The following A2M variants were observed in gnomAD, a reference collection of about 807,000 sequenced individuals.
A2M encodes the protein alpha-2-macroglobulin, also known as C3 and PZP-like alpha-2-macroglobulin domain-containing protein 5.
A neutral mutation model predicts 183.9 loss-of-function variants in A2M; 128 were observed. The observed-to-expected ratio is 0.70, with a 90% CI of 0.60 to 0.81. The LOEUF (loss-of-function observed/expected upper bound fraction) is 0.81. A2M is among the 30% of genes least tolerant of loss of function. A2M has a pLI of 0.00. For synonymous variants in A2M, 592 were observed against 670.8 expected (o/e 0.88, Z 1.81); for missense variants, 1,495 against 1,787.6 (o/e 0.84, Z 2.95).
At chr12:9,068,254 G>C in intron 34 of A2M, 30 bp from the exon 35 acceptor site, 2 of 1,596,392 alleles carry the variant, frequency 1.3e-6, no homozygotes, top group Non-Finnish European at 1.7e-6. Context: ...CAAAAAACCA[G>C]AAATCATTAC....
rs1948471095 is a variant in A2M, at chr12:9,068,746, C to G, written c.4360G>C (p.Glu1454Gln). The change falls in exon 34 of 36, where the codon GAG (glutamate) becomes CAG (glutamine). Residue 1454 changes from glutamate (E) to glutamine (Q), a missense_variant. By Grantham distance (29) the Glu-to-Gln change is conservative (BLOSUM62 2). Coordinates refer to ENST00000318602, the MANE Select transcript of A2M (RefSeq NM_000014.6). Reference protein sequence around the residue: ...PAIVKVYDYYETDEFAIAEYN... With the variant: ...PAIVKVYDYYQTDEFAIAEYN... ...GAAAATCACTCTCACTCACCCGTCT[C>G]GTAGTAATCATAGACTTTCACTATG... 1 of 1,599,148 alleles carries G rather than the reference C, an allele frequency of 6.3e-7. No individual in the cohort carries two copies. Among genetic ancestry groups the G allele is most frequent in the East Asian group, 2.2e-5 (1 of 44,686 alleles).
At chr12:9,098,855 A>G (rs1949468232) in intron 14 of A2M, 99 bp from the exon 15 acceptor site, 2 of 1,327,344 alleles carry the variant, frequency 1.5e-6, no homozygotes. Flanking sequence ...ATGTATAACC[A>G]CTCTGCTTGA....
In A2M at chr12:9,113,105, C is replaced by CTT. The variant is rs11463805; in HGVS notation, c.270+253_270+254dup. ...TCTTAATTTTAAGAAGTCACATTTT[C>CTT]TTTTTTTTTTTTTCCTTTCTGGCTA... is the stretch of plus-strand genomic sequence containing the variant. On this transcript the variant is annotated intron_variant, in intron 2 of 35. Transcript: ENST00000318602. 9.7e-4 allele frequency among the ~76,000 whole-genome samples: 140 copies of CTT among 143,906 alleles called. 1 individual carries two copies. The East Asian group carries it at 0.011, about 11-fold the overall frequency. The allele number at this position is 143,906 out of a possible 152,430, so 94.4% of individuals were successfully genotyped here. A position where few individuals can be genotyped will look rare whatever the true frequency, so the allele number is the denominator to read the frequency against.
At chr12:9,102,436 G>A (rs966712146) in intron 11 of A2M, among the ~76,000 whole-genome samples, 3 of 151,962 alleles carry the variant, frequency 2.0e-5, no homozygotes, top group South Asian at 2.1e-4. Flanking sequence ...GGCTCGTCTC[G>A]ATCTCCTGGC....
At chr12:9,091,088 A>G in intron 19 of A2M, 113 bp downstream of exon 19, 1 of 1,290,084 alleles carries the variant, frequency 7.8e-7, no homozygotes, top group Non-Finnish European at 1.1e-6. Flanking sequence ...TTTTACAATC[A>G]TGAATATCTA....
At chr12:9,110,634 C>T (rs1012268165) in intron 4 of A2M, among the ~76,000 whole-genome samples, 9 of 151,452 alleles carry the variant, frequency 5.9e-5, no homozygotes, top group African/African-American at 1.2e-4. Flanking sequence ...TAATCATTAT[C>T]ATGCACTGCA....
In A2M at chr12:9,106,343, C is replaced by A. The variant is rs1369798435; in HGVS notation, c.997G>T (p.Val333Leu). ...CTGGACTGCCTTCCAGTCAATTCCA[C>A]CACTGAAAAAAGAGAAAAAAATCTG... ...EAQIQEEGTV[V>L]ELTGRQSSEI... Residue 333 changes from valine (V) to leucine (L), a missense_variant and splice_region_variant, in exon 10 of 36, where the codon GTG becomes TTG. Physicochemically the swap from Val to Leu is conservative, Grantham distance 32. Coordinates refer to ENST00000318602, the MANE Select transcript of A2M (RefSeq NM_000014.6). 1 of 1,596,516 alleles carries A rather than the reference C, an allele frequency of 6.3e-7. No homozygotes were observed. The highest frequency in any genetic ancestry group is 1.3e-5 in the African/African-American group (1 of 74,394).
chr12:9,113,237 G>A (rs1350955055), intron 2 of A2M, 123 bp downstream of exon 2: 8 of 949,044 alleles, frequency 8.4e-6, no homozygotes, highest in Non-Finnish European at 1.1e-5. Flanking sequence ...TACTTAGTTT[G>A]CTACATTTGG....
At position 9,095,512 on chromosome 12, in the gene A2M, A is replaced by G. The variant is rs759871629; in HGVS notation, c.2013+27T>C. ...GTAATATTTTAAGAAGCTTAAGATC[A>G]GACCATCTGCAACATAAGGAGTTTA... On this transcript the variant is annotated intron_variant, in intron 16 of 35. Coordinates refer to ENST00000318602, the MANE Select transcript of A2M (RefSeq NM_000014.6). 1.2e-5 allele frequency: 19 copies of G among 1,597,680 alleles called. No homozygotes were observed. In the East Asian group the frequency reaches 3.8e-4, roughly 32 times the overall value.
intron 33 of A2M, chr12:9,069,099 C>A (rs1948485335): frequency 3.5e-6 from 1 of 289,514 alleles, no homozygotes; most frequent in East Asian, 5.9e-5. Flanking sequence ...ATGATATATA[C>A]TTTTTATTGG....
Position 9,109,929 on chromosome 12 carries a change from T to TTG in A2M, c.609_610dup (p.Lys204ThrfsTer31). On this transcript the variant is annotated frameshift_variant, in exon 6 of 36. Transcript: ENST00000318602. LOFTEE classifies it high-confidence loss of function. ...ACCTGATTTCTTCTGTACCACCACC[T>TTG]TGTAGGAGCCCTGGAAGGGCTCTGA... 2 of 1,613,920 alleles carry TTG rather than the reference T, an allele frequency of 1.2e-6. No homozygotes were observed. The highest frequency in any genetic ancestry group is 1.7e-6 in the Non-Finnish European group (2 of 1,179,864).
intron 15 of A2M, among the ~76,000 whole-genome samples, chr12:9,097,102 A>G (rs139621675): frequency 6.6e-6 from 1 of 152,304 alleles, no homozygotes; most frequent in African/African-American, 2.4e-5. Context: ...CAGGGTTGTT[A>G]TAATTTGAAA....
chr12:9,075,670 T>C (rs1205565898), intron 28 of A2M, among the ~76,000 whole-genome samples: 1 of 152,106 alleles, frequency 6.6e-6, no homozygotes, highest in African/African-American at 2.4e-5. Context: ...AAGAGAGAAA[T>C]AAAAATCTTG....
At chr12:9,076,679 T>C in intron 28 of A2M, 77 bp downstream of exon 28, 3 of 1,370,882 alleles carry the variant, frequency 2.2e-6, no homozygotes, top group African/African-American at 2.9e-5. Flanking sequence ...TCACAGGAGG[T>C]AGGAGTGAGG....
intron 13 of A2M, 44 bp from the exon 14 acceptor site, chr12:9,099,567 A>T (rs1225296777): frequency 1.3e-6 from 2 of 1,568,400 alleles, no homozygotes; most frequent in Admixed American, 3.8e-5. Context: ...TAGGTTAATG[A>T]CTATTTCCAT....
intron 34 of A2M, 112 bp from the exon 35 acceptor site, chr12:9,068,336 A>G: frequency 5.6e-6 from 6 of 1,075,652 alleles, no homozygotes; most frequent in Non-Finnish European, 8.1e-6. Flanking sequence ...GAAGAACAGT[A>G]TTGTACCAGA....
chr12:9,102,495 C>T (rs772882013), intron 11 of A2M, among the ~76,000 whole-genome samples: 41 of 152,276 alleles, frequency 2.7e-4, no homozygotes, highest in African/African-American at 9.4e-4. Flanking sequence ...GGATTACAGG[C>T]GTGAGCTACC....
chr12:9,071,678 A>T (rs759659634), intron 31 of A2M, among the ~76,000 whole-genome samples: 49 of 152,224 alleles, frequency 3.2e-4, no homozygotes, highest in Middle Eastern at 3.4e-3. Flanking sequence ...CCACTTACAA[A>T]TGAGAACATG....
At chr12:9,108,165 G>A (rs893676645) in intron 7 of A2M, among the ~76,000 whole-genome samples, 77 of 151,684 alleles carry the variant, frequency 5.1e-4, no homozygotes, top group African/African-American at 1.7e-3. Context: ...TCGCTCTGTC[G>A]CCCAGGCTGG....
Sources: gnomAD v4.1 joint callset for allele counts (sites outside exome capture counted in the v4.1 genomes callset) on GRCh38, gnomAD v4.1.1 for gene constraint, MANE v1.5 for transcripts, NCBI Gene and HGNC (gene_info 2026-07-23, HGNC 2026-07-21) for gene names.